AFF2: variants seen among roughly 807,000 people sequenced by gnomAD.
The protein encoded by AFF2 is AF4/FMR2 family member 2.
A neutral mutation model predicts 76.9 loss-of-function variants in AFF2; 14 were observed. That is an observed-to-expected ratio of 0.18 (90% CI 0.12 to 0.28). The LOEUF is 0.28. Among genes scored for constraint, AFF2 ranks in the 10% least tolerant of loss-of-function variants. The pLI is 1.00. For missense variants in AFF2, 868 were observed against 1,001.1 expected (o/e 0.87, Z 1.79); for synonymous variants, 398 against 366.7 (o/e 1.09, Z -0.98).
At position 148,956,572 on chromosome X, in the gene AFF2, G is replaced by C; in HGVS notation, c.2527G>C (p.Ala843Pro). The C allele has an allele frequency of 1.7e-6, 2 of 1,211,547 alleles. No homozygotes were observed. The highest frequency in any genetic ancestry group is 2.2e-6 in the Non-Finnish European group (2 of 895,449). ...TKPKRQTAVTAVEKPAPKGKR... is the reference protein window; with the variant it reads ...TKPKRQTAVTPVEKPAPKGKR... The stretch of plus-strand genomic sequence containing the variant: ...ACCCAAGCGTCAGACAGCTGTCACA[G>C]CTGTGGAGAAACCAGCCCCTAAGGG... The change falls in exon 11 of 21, where the codon GCT becomes CCT. Residue 843 changes from alanine to proline, a missense_variant. Physicochemically the swap from Ala to Pro is conservative, Grantham distance 27. This residue lies in a region of AFF2 where 532 missense variants were observed against 564.2 expected (regional missense o/e 0.94). Coordinates refer to ENST00000370460, the MANE Select transcript of AFF2 (RefSeq NM_002025.4).
chrX:148,894,860 C>T (rs1161598403), intron 8 of AFF2, among the ~76,000 whole-genome samples: 1 of 110,223 alleles, frequency 9.1e-6, no homozygotes, highest in Non-Finnish European at 1.9e-5. Context: ...TCTAAATGTT[C>T]ATCAACAGAC....
chrX:148,906,383 G>T, intron 9 of AFF2, among the ~76,000 whole-genome samples: 1 of 111,647 alleles, frequency 9.0e-6, no homozygotes, highest in Middle Eastern at 4.6e-3. Context: ...TTCCCATTGA[G>T]AGGGGGACTG....
chrX:148,859,602 G>T (rs1557276223), intron 7 of AFF2, among the ~76,000 whole-genome samples: 2 of 109,685 alleles, frequency 1.8e-5, no homozygotes, highest in Non-Finnish European at 3.8e-5. Flanking sequence ...ACAATGAAAT[G>T]AAAGTTTGTA....
intron 4 of AFF2, among the ~76,000 whole-genome samples, chrX:148,826,598 C>T (rs1195424812): frequency 2.7e-5 from 3 of 111,808 alleles, no homozygotes; most frequent in Non-Finnish European, 3.8e-5. Flanking sequence ...CATTTTTGTA[C>T]ATACCACTGG....
intron 3 of AFF2, among the ~76,000 whole-genome samples, chrX:148,744,029 A>C (rs781895437): frequency 1.8e-5 from 2 of 111,409 alleles, no homozygotes; most frequent in Non-Finnish European, 3.8e-5. Context: ...TTCTGTATAG[A>C]AACAGCCCAA....
intron 3 of AFF2, among the ~76,000 whole-genome samples, chrX:148,743,970 G>A (rs1194609030): frequency 1.8e-5 from 2 of 110,797 alleles, no homozygotes; most frequent in Non-Finnish European, 3.8e-5. Context: ...TATATAGAAG[G>A]AAATGGGTAA....
chrX:148,916,370 C>T (rs1425720159), intron 9 of AFF2, among the ~76,000 whole-genome samples: 4 of 107,760 alleles, frequency 3.7e-5, no homozygotes, highest in African/African-American at 1.4e-4. Flanking sequence ...CCACCACGCC[C>T]GGCTAATTTT....
intron 4 of AFF2, among the ~76,000 whole-genome samples, chrX:148,829,571 T>G (rs1372379572): frequency 8.9e-6 from 1 of 112,067 alleles, no homozygotes; most frequent in Non-Finnish European, 1.9e-5. Flanking sequence ...CTTAGTCAAT[T>G]TAGTCAGCCG....
intron 3 of AFF2, among the ~76,000 whole-genome samples, chrX:148,803,195 C>T (rs1357320446): frequency 2.7e-5 from 3 of 111,049 alleles, no homozygotes; most frequent in Non-Finnish European, 5.7e-5. Context: ...AGGGCAGGCA[C>T]CAAAAGAAGA....
rs72611265 is a variant in AFF2 at position 148,686,474 on chromosome X, A to T, written c.1041+23706A>T. ...TGCTAGATAGTGATAGGGTGACTGT[A>T]TGAGTTATTGTTCTGAGCAGGACAG... On this transcript the variant is annotated intron_variant, in intron 3 of 20. Transcript: ENST00000370460. Among the ~76,000 whole-genome samples, 9 of 111,795 alleles carry T rather than the reference A, an allele frequency of 8.1e-5. No homozygotes were observed. In the East Asian group the frequency reaches 2.5e-3, roughly 31 times the overall value.
chrX:148,886,125 G>A, intron 8 of AFF2, 140 bp downstream of exon 8: 3 of 503,373 alleles, frequency 6.0e-6, no homozygotes, highest in Non-Finnish European at 1.0e-5. Flanking sequence ...GCAAAGATGA[G>A]CATAGTGTTC....
chrX:148,613,537 C>G (rs1195611464), intron 1 of AFF2, among the ~76,000 whole-genome samples: 4 of 111,586 alleles, frequency 3.6e-5, no homozygotes, highest in African/African-American at 1.3e-4. Context: ...CCATTGCCAT[C>G]TGCCTAAAGA....
chrX:148,792,185 C>A (rs1232465201), intron 3 of AFF2, among the ~76,000 whole-genome samples: 1 of 111,481 alleles, frequency 9.0e-6, no homozygotes, highest in Non-Finnish European at 1.9e-5. Flanking sequence ...TACACCATGG[C>A]GACAATAATG....
At chrX:148,567,571 C>G (rs782723947) in intron 1 of AFF2, among the ~76,000 whole-genome samples, 1 of 111,204 alleles carries the variant, frequency 9.0e-6, no homozygotes, top group Admixed American at 9.6e-5. Flanking sequence ...ACGGTGGAGT[C>G]AATACCTTGT....
intron 1 of AFF2, among the ~76,000 whole-genome samples, chrX:148,607,782 CTT>C (rs1221863253): frequency 1.8e-5 from 2 of 111,703 alleles, no homozygotes; most frequent in African/African-American, 3.2e-5. Flanking sequence ...AAAAAAATCT[CTT>C]TTAAAAATGG....
chrX:148,851,386 A>G (rs1557275313), intron 7 of AFF2, among the ~76,000 whole-genome samples: 1 of 112,574 alleles, frequency 8.9e-6, no homozygotes, highest in South Asian at 3.6e-4. Context: ...ATATGCTGCC[A>G]AGACTGGAAC....
intron 9 of AFF2, among the ~76,000 whole-genome samples, chrX:148,932,891 C>CAAAA (rs2071731076): frequency 8.9e-6 from 1 of 112,221 alleles, no homozygotes; most frequent in Non-Finnish European, 1.9e-5. Context: ...AGAGATACAG[C>CAAAA]AAAAAACAAA....
chrX:148,916,334 C>T (rs888603608), intron 9 of AFF2, among the ~76,000 whole-genome samples: 8 of 104,191 alleles, frequency 7.7e-5, no homozygotes, highest in African/African-American at 2.8e-4. Context: ...CTCAGCCTCC[C>T]GAGGAGCTGG....
Position 148,833,315 on chromosome X carries a change from G to A in AFF2, c.1087-4332G>A, listed in dbSNP as rs186132374. On this transcript the variant is annotated intron_variant, in intron 4 of 20. Transcript: ENST00000370460. ...TTGACTTTATCATTTCCATGTCCTA[G>A]TGACTGGCTTATAATGGCTACACAC... 1.8e-3 allele frequency among the ~76,000 whole-genome samples: 202 copies of A among 111,734 alleles called. 1 individual carries two copies. Among genetic ancestry groups the A allele is most frequent in the Non-Finnish European group, 3.2e-3 (171 of 53,121 alleles).
Sources: allele counts gnomAD v4.1 joint callset (sites outside exome capture counted in the v4.1 genomes callset), GRCh38; gene constraint gnomAD v4.1.1; regional missense constraint gnomAD v4.1.1; transcripts MANE v1.5; gene names NCBI Gene and HGNC (gene_info 2026-07-23, HGNC 2026-07-21).